CSMD1: variants seen among roughly 807,000 people sequenced by gnomAD.
CSMD1 encodes the protein CUB and Sushi multiple domains 1.
CSMD1 carries 213 observed loss-of-function variants against 417.5 expected under a neutral mutation model. The observed-to-expected ratio is 0.51, with a 90% CI of 0.46 to 0.57. The LOEUF (loss-of-function observed/expected upper bound fraction) is 0.57. Among genes scored for constraint, CSMD1 ranks in the 20% least tolerant of loss-of-function variants. The pLI, the probability that CSMD1 is intolerant of heterozygous loss-of-function variation, is 0.00. For synonymous variants in CSMD1, 2,862 were observed against 1,736.8 expected (o/e 1.65, Z -16.11); for missense variants, 6,923 against 4,529.7 (o/e 1.53, Z -15.17).
chr8:4,216,660 T>C (rs781277224), intron 3 of CSMD1, among the ~76,000 whole-genome samples: 1 of 152,126 alleles, frequency 6.6e-6, no homozygotes, highest in Non-Finnish European at 1.5e-5. Flanking sequence ...CGTAAATGAC[T>C]GAGTGAAGGG....
chr8:4,161,467 C>A (rs1012780387), intron 3 of CSMD1, among the ~76,000 whole-genome samples: 1 of 152,162 alleles, frequency 6.6e-6, no homozygotes, highest in African/African-American at 2.4e-5. Flanking sequence ...GAATGGCTTA[C>A]TCAAGGTCAT....
At chr8:3,945,825 T>C (rs1811185749) in intron 5 of CSMD1, among the ~76,000 whole-genome samples, 1 of 151,968 alleles carries the variant, frequency 6.6e-6, no homozygotes, top group Non-Finnish European at 1.5e-5. Flanking sequence ...ACACATGAGG[T>C]AGTATAAAAG....
chr8:4,493,238 T>C lies in CSMD1; in HGVS notation c.303-73173A>G, dbSNP rs181958174. ...CACAAAAATATATTAGGTAAAATAA[T>C]TTAAGATTGTCTTAACAAATAATTG... is the stretch of plus-strand genomic sequence containing the variant. On this transcript the variant is annotated intron_variant, in intron 2 of 69. Coordinates refer to ENST00000635120, the MANE Select transcript of CSMD1 (RefSeq NM_033225.6). Among the ~76,000 whole-genome samples the C allele has an allele frequency of 2.0e-5, 3 of 152,300 alleles. No homozygotes were observed. The East Asian group carries it at 5.8e-4, about 29-fold the overall frequency.
At chr8:3,347,861 TAAATAC>T in intron 22 of CSMD1, 125 bp downstream of exon 22, 2 of 592,794 alleles carry the variant, frequency 3.4e-6, no homozygotes, top group Non-Finnish European at 5.4e-6. Flanking sequence ...ATTGTGTAAA[TAAATAC>T]AAATAAATCA....
At position 3,499,757 on chromosome 8, in the gene CSMD1, C is replaced by T. The variant is rs1043255943; in HGVS notation, c.1345-6031G>A. 3.9e-5 allele frequency among the ~76,000 whole-genome samples: 6 copies of T among 152,050 alleles called. No individual in the cohort carries two copies. The South Asian group carries it at 8.3e-4, about 21-fold the overall frequency. On this transcript the variant is annotated intron_variant, in intron 10 of 69. Coordinates refer to ENST00000635120, the MANE Select transcript of CSMD1 (RefSeq NM_033225.6). ...CACTGAGTGCAGCTGGGGTCATAGTCCTGCATCCTTCTCCTTGGCTGTGGT... is the reference window on the plus strand; with the variant it reads ...CACTGAGTGCAGCTGGGGTCATAGTTCTGCATCCTTCTCCTTGGCTGTGGT...
chr8:3,290,491 T>C (rs113011131), intron 25 of CSMD1, among the ~76,000 whole-genome samples: 18,349 of 116,640 alleles, frequency 0.16, 1,836 homozygotes, highest in Non-Finnish European at 0.21. Flanking sequence ...TTTGTATCCT[T>C]TTATTTCCTT....
intron 10 of CSMD1, among the ~76,000 whole-genome samples, chr8:3,500,332 T>C (rs1585259691): frequency 6.6e-6 from 1 of 151,192 alleles, no homozygotes; most frequent in African/African-American, 2.4e-5. Context: ...TTTGCATGAC[T>C]TTTAGACATT....
chr8:4,202,446 A>C (rs1004773407), intron 3 of CSMD1, among the ~76,000 whole-genome samples: 3 of 152,224 alleles, frequency 2.0e-5, no homozygotes, highest in Non-Finnish European at 2.9e-5. Context: ...GAAATGTACA[A>C]AATGTTTCAT....
intron 3 of CSMD1, among the ~76,000 whole-genome samples, chr8:4,089,625 T>C (rs1180569985): frequency 1.3e-5 from 2 of 152,236 alleles, no homozygotes; most frequent in East Asian, 1.9e-4. Flanking sequence ...TTATGTGCAC[T>C]ATTCTAAGGA....
chr8:3,220,540 C>T (rs1431926264), intron 28 of CSMD1, among the ~76,000 whole-genome samples: 1 of 152,146 alleles, frequency 6.6e-6, no homozygotes, highest in African/African-American at 2.4e-5. Flanking sequence ...AGTATTAAAA[C>T]CATCCATTGC....
chr8:3,261,635 C>T (rs1452713322), intron 26 of CSMD1, among the ~76,000 whole-genome samples: 1 of 152,148 alleles, frequency 6.6e-6, no homozygotes, highest in Non-Finnish European at 1.5e-5. Flanking sequence ...CCAACTGCTG[C>T]CTCCATTCCC....
chr8:4,361,784 T>C (rs2128907904), intron 3 of CSMD1, among the ~76,000 whole-genome samples: 1 of 152,066 alleles, frequency 6.6e-6, no homozygotes, highest in East Asian at 1.9e-4. Flanking sequence ...TGAAACCCCA[T>C]CTCTACTAAA....
intron 26 of CSMD1, among the ~76,000 whole-genome samples, chr8:3,238,019 C>A (rs1447024433): frequency 6.6e-6 from 1 of 151,388 alleles, no homozygotes; most frequent in Admixed American, 6.6e-5. Flanking sequence ...AAGAGACCAC[C>A]AAACAGGCTT....
rs539708523 is a variant in CSMD1, at chr8:3,500,125, G to A, written c.1345-6399C>T. Among the ~76,000 whole-genome samples the A allele has an allele frequency of 1.2e-4, 19 of 152,028 alleles. 1 individual carries two copies. The highest frequency in any genetic ancestry group is 2.1e-4 in the South Asian group (1 of 4,830). ...TTGGCACTGAACGGATCCTACCTGC[G>A]CACTTCACGTTCATCTTTATGCTGC... On this transcript the variant is annotated intron_variant, in intron 10 of 69. Coordinates refer to ENST00000635120, the MANE Select transcript of CSMD1 (RefSeq NM_033225.6).
rs906599616 is a variant in CSMD1 at position 3,829,068 on chromosome 8, G to C, written c.819-75026C>G. ...TCCGTAAGTTACTGGGGTATAGGTG[G>C]TATTTGTTTACATGAGCAAGTTCTT... On this transcript the variant is annotated intron_variant, in intron 5 of 69. Coordinates refer to ENST00000635120, the MANE Select transcript of CSMD1 (RefSeq NM_033225.6). Among the ~76,000 whole-genome samples the C allele has an allele frequency of 4.6e-5, 7 of 151,534 alleles. No homozygotes were observed. In the South Asian group the frequency reaches 8.3e-4, roughly 18 times the overall value.
At chr8:4,581,983 G>A (rs904415833) in intron 2 of CSMD1, among the ~76,000 whole-genome samples, 3 of 152,192 alleles carry the variant, frequency 2.0e-5, no homozygotes, top group Non-Finnish European at 4.4e-5. Flanking sequence ...GACAAACGAC[G>A]ATGGCTAAAA....
intron 2 of CSMD1, among the ~76,000 whole-genome samples, chr8:4,582,490 C>T (rs536618946): frequency 6.6e-6 from 1 of 152,140 alleles, no homozygotes; most frequent in Non-Finnish European, 1.5e-5. Context: ...CTCCAGGCAC[C>T]AGGCAGGAAA....
intron 3 of CSMD1, among the ~76,000 whole-genome samples, chr8:4,417,138 C>G (rs926267764): frequency 5.9e-5 from 9 of 151,966 alleles, no homozygotes; most frequent in African/African-American, 1.9e-4. Context: ...ATTGCTGAGA[C>G]TTGCTGAGGT....
chr8:3,749,560 G>C (rs1377573947), intron 6 of CSMD1, among the ~76,000 whole-genome samples: 2 of 152,052 alleles, frequency 1.3e-5, no homozygotes, highest in Admixed American at 6.6e-5. Flanking sequence ...TTTTATGTTG[G>C]TTGTCATTTA....
Sources: gnomAD v4.1 joint callset for allele counts (sites outside exome capture counted in the v4.1 genomes callset) on GRCh38, gnomAD v4.1.1 for gene constraint, MANE v1.5 for transcripts, NCBI Gene and HGNC (gene_info 2026-07-23, HGNC 2026-07-21) for gene names.